The following NPY2R variants were observed in gnomAD, a reference collection of about 807,000 sequenced individuals.
NPY2R encodes the protein neuropeptide Y receptor Y2, also known as neuropeptide Y receptor type 2.
A neutral mutation model predicts 22.3 loss-of-function variants in NPY2R; 17 were observed. The observed-to-expected ratio is 0.76, with a 90% CI of 0.52 to 1.14. The LOEUF is 1.14. NPY2R is among the 50% of genes most tolerant of loss of function. NPY2R has a pLI of 0.00. For synonymous variants in NPY2R, 209 were observed against 183.4 expected (o/e 1.14, Z -1.13); for missense variants, 424 against 467.9 (o/e 0.91, Z 0.87).
rs541782772 is a variant in NPY2R, at chr4:155,208,923, G to C, written c.-195G>C. ...CCGGCTGCCCGCCCGCGCGGCGCGG[G>C]CTGTCCTGGACCCTAGGAGGGGACG... On this transcript the variant is annotated 5_prime_UTR_variant, in exon 1 of 2. Coordinates refer to ENST00000329476, the MANE Select transcript of NPY2R (RefSeq NM_000910.4). This position sits in a 1 kb window ranked among gnomAD's most constrained non-coding sequence, Gnocchi z 5.6. 1 of 152,278 alleles carries C rather than the reference G, an allele frequency of 6.6e-6. No individual in the cohort carries two copies. Among genetic ancestry groups the C allele is most frequent in the African/African-American group, 2.4e-5 (1 of 41,572 alleles). The allele number at this position is 152,278 out of a possible 1,614,324, so 9.4% of individuals were successfully genotyped here.
chr4:155,213,107 T>C (rs1045402673), intron 1 of NPY2R, among the ~76,000 whole-genome samples: 3 of 152,124 alleles, frequency 2.0e-5, no homozygotes, highest in African/African-American at 7.2e-5. Context: ...CAGAGTGGTA[T>C]AATGGACTTT....
the NPY2R span, among the ~76,000 whole-genome samples, chr4:155,175,461 T>C: frequency 2.6e-5 from 4 of 152,156 alleles, no homozygotes; most frequent in Non-Finnish European, 5.9e-5. Context: ...CTGGTCATGC[T>C]TTTCAATATC....
chr4:155,205,792 A>G (rs1729270867), upstream of NPY2R, among the ~76,000 whole-genome samples: 1 of 148,526 alleles, frequency 6.7e-6, no homozygotes, highest in Non-Finnish European at 1.5e-5. Flanking sequence ...GAGGCCCATG[A>G]TGAGTCAGGC....
At chr4:155,174,484 A>ATATATGTATAT in the NPY2R span, among the ~76,000 whole-genome samples, 5 of 106,120 alleles carry the variant, frequency 4.7e-5, no homozygotes, top group African/African-American at 2.3e-4. Flanking sequence ...ATATATATAT[A>ATATATGTATAT]TTTTTTTTTT....
Position 155,214,530 on chromosome 4 carries a change from C to G in NPY2R, c.591C>G (p.Asp197Glu), listed in dbSNP as rs1162103439. 6.2e-7 allele frequency: 1 copy of G among 1,614,180 alleles called. No individual in the cohort carries two copies. Among genetic ancestry groups the G allele is most frequent in the East Asian group, 2.2e-5 (1 of 44,872 alleles). Residue 197 changes from aspartate (D) to glutamate (E), a missense_variant, in exon 2 of 2, where the codon GAC becomes GAG. Asp to Glu is a conservative substitution (Grantham distance 45). Coordinates refer to ENST00000329476, the MANE Select transcript of NPY2R (RefSeq NM_000910.4). Reference sequence around the variant, plus strand: ...ATTCGCTGATTGAGATCATCCCGGACTTTGAGATTGTGGCCTGTACTGAAA... The same window carrying G: ...ATTCGCTGATTGAGATCATCCCGGAGTTTGAGATTGTGGCCTGTACTGAAA... The part of the protein sequence containing the change: ...REYSLIEIIP[D>E]FEIVACTEKW...
chr4:155,213,975 G>A lies in NPY2R; in HGVS notation c.36G>A (p.Gln12=). ...TAGGTGCAGAGGCTGATGAGAACCA[G>A]ACAGTGGAAGAAATGAAGGTGGAAC... ...GPIGAEADEN[Q]TVEEMKVEQY... is the part of the protein sequence containing the mutation. The change falls in exon 2 of 2, where the codon CAG becomes CAA. Residue 12 remains glutamine, a synonymous_variant. Coordinates refer to ENST00000329476, the MANE Select transcript of NPY2R (RefSeq NM_000910.4). 6.2e-7 allele frequency: 1 copy of A among 1,614,122 alleles called. No homozygotes were observed. The highest frequency in any genetic ancestry group is 8.5e-7 in the Non-Finnish European group (1 of 1,180,038).
rs1019525007 is a variant in NPY2R at position 155,216,734 on chromosome 4, C to G, written c.*1649C>G. The stretch of plus-strand genomic sequence containing the variant: ...AGATTAGGTGTAAGACTTTAAGAAG[C>G]GAACAAAAAGTAATGTATATCTGTA... On this transcript the variant is annotated 3_prime_UTR_variant, in exon 2 of 2. Transcript: ENST00000329476. 1 of 166,886 alleles carries G rather than the reference C, an allele frequency of 6.0e-6. No homozygotes were observed. The highest frequency in any genetic ancestry group is 2.1e-4 in the South Asian group (1 of 4,824). 10.3% of individuals were successfully genotyped at this position (166,886 alleles called of 1,614,324 possible). A position where few individuals can be genotyped will look rare whatever the true frequency, so the allele number is the denominator to read the frequency against.
the NPY2R span, among the ~76,000 whole-genome samples, chr4:155,184,199 G>A: frequency 3.6e-5 from 5 of 139,184 alleles, no homozygotes; most frequent in Non-Finnish European, 7.7e-5. Flanking sequence ...ACCCTCTCTT[G>A]ACACTGAACC....
At chr4:155,203,319 C>T in the NPY2R span, among the ~76,000 whole-genome samples, 1 of 152,064 alleles carries the variant, frequency 6.6e-6, no homozygotes, top group Admixed American at 6.6e-5. Context: ...GAAATTTAGC[C>T]TATGAGATTT....
In NPY2R at chr4:155,214,448, G is replaced by A; in HGVS notation, c.509G>A (p.Gly170Asp). Reference sequence around the variant, plus strand: ...AAGCGAATCAGCTTCCTGATTATTGGCTTGGCCTGGGGCATCAGTGCCCTG... The same window carrying A: ...AAGCGAATCAGCTTCCTGATTATTGACTTGGCCTGGGGCATCAGTGCCCTG... ...ISKRISFLII[G>D]LAWGISALLA... The change falls in exon 2 of 2, where the codon GGC (glycine) becomes GAC (aspartate). Residue 170 changes from glycine to aspartate, a missense_variant. Transcript: ENST00000329476. The A allele has an allele frequency of 6.2e-7, 1 of 1,614,008 alleles. No homozygotes were observed. The highest frequency in any genetic ancestry group is 8.5e-7 in the Non-Finnish European group (1 of 1,180,010).
the NPY2R span, among the ~76,000 whole-genome samples, chr4:155,186,069 T>C: frequency 6.6e-6 from 1 of 152,160 alleles, no homozygotes; most frequent in Non-Finnish European, 1.5e-5. Context: ...TTAACAACTA[T>C]GCCTTATGAT....
the NPY2R span, among the ~76,000 whole-genome samples, chr4:155,187,347 A>G: frequency 6.6e-6 from 1 of 152,236 alleles, no homozygotes; most frequent in Non-Finnish European, 1.5e-5. Flanking sequence ...GATCCCCATC[A>G]TCTTGGCAGG....
rs528416524 is a variant in NPY2R, at chr4:155,215,629, C to T, written c.*544C>T. 4.3e-5 allele frequency: 8 copies of T among 184,002 alleles called. No homozygotes were observed. The highest frequency in any genetic ancestry group is 1.5e-4 in the East Asian group (1 of 6,544). The allele number at this position is 184,002 out of a possible 1,614,324, so 11.4% of individuals were successfully genotyped here. On this transcript the variant is annotated 3_prime_UTR_variant, in exon 2 of 2. Transcript: ENST00000329476. ...CTGCAGGAAACGATTGCCAACTATACGAATGGCTTCGAGGAGATAAACTGA... is the reference window on the plus strand; with the variant it reads ...CTGCAGGAAACGATTGCCAACTATATGAATGGCTTCGAGGAGATAAACTGA...
upstream of NPY2R, among the ~76,000 whole-genome samples, chr4:155,205,833 CTATCTATCTAT>C (rs1729273794): frequency 7.2e-5 from 11 of 152,064 alleles, no homozygotes; most frequent in African/African-American, 2.7e-4. Context: ...ATCTATCTAT[CTATCTATCTAT>C]CTATCTATCT....
At chr4:155,193,769 T>C in the NPY2R span, among the ~76,000 whole-genome samples, 1 of 151,912 alleles carries the variant, frequency 6.6e-6, no homozygotes, top group African/African-American at 2.4e-5. Context: ...TACATACAAA[T>C]GTATGAGAAA....
chr4:155,213,427 TC>T (rs1255489386), intron 1 of NPY2R, among the ~76,000 whole-genome samples: 1 of 152,194 alleles, frequency 6.6e-6, no homozygotes, highest in Non-Finnish European at 1.5e-5. Flanking sequence ...TTTAATATGT[TC>T]CCCTTTCTTA....
At chr4:155,197,610 T>C in the NPY2R span, among the ~76,000 whole-genome samples, 183 of 151,986 alleles carry the variant, frequency 1.2e-3, no homozygotes, top group African/African-American at 4.0e-3. Flanking sequence ...TATTAAACCC[T>C]CTCTATAAGT....
At chr4:155,195,615 A>T in the NPY2R span, among the ~76,000 whole-genome samples, 1 of 152,074 alleles carries the variant, frequency 6.6e-6, no homozygotes, top group Non-Finnish European at 1.5e-5. Flanking sequence ...TATTAATATT[A>T]CCATCTTAGT....
the NPY2R span, among the ~76,000 whole-genome samples, chr4:155,179,854 GA>G: frequency 5.4e-4 from 81 of 149,930 alleles, no homozygotes; most frequent in Middle Eastern, 3.4e-3. Flanking sequence ...AAGACCAGTG[GA>G]AGAATCTCAC....
Sources: gnomAD v4.1 joint callset for allele counts (sites outside exome capture counted in the v4.1 genomes callset) on GRCh38, gnomAD v4.1.1 for gene constraint, Gnocchi (gnomAD v3.1) non-coding constraint, MANE v1.5 for transcripts, NCBI Gene and HGNC (gene_info 2026-07-23, HGNC 2026-07-21) for gene names.